RFC1: variants seen among roughly 807,000 people sequenced by gnomAD.
The protein encoded by RFC1 is replication factor C subunit 1.
In RFC1, 37 loss-of-function variants were observed where a neutral mutation model predicts 137.4. That is an observed-to-expected ratio of 0.27 (90% confidence interval 0.21 to 0.35). The LOEUF (loss-of-function observed/expected upper bound fraction) is 0.35. Ranked by LOEUF, RFC1 falls within the 10% of genes least tolerant of loss-of-function variation. The probability of loss-of-function intolerance (pLI) is 1.00; values close to 1 mark genes in which losing one functional copy is unlikely to be tolerated. For synonymous variants in RFC1, 429 were observed against 455.7 expected, an observed-to-expected ratio of 0.94 and a Z score of 0.75; for missense variants, 1,205 against 1,358.5, an observed-to-expected ratio of 0.89 and a Z score of 1.78.
At chr4:39,310,344 C>T (rs1205995021) in intron 12 of RFC1, among the ~76,000 whole-genome samples, 1 of 152,086 alleles carries the variant, frequency 6.6e-6, no homozygotes, top group Non-Finnish European at 1.5e-5. Flanking sequence ...ATGTAAGGTT[C>T]GAAAAATATG....
At chr4:39,335,689 C>A (rs1235342961) in intron 4 of RFC1, among the ~76,000 whole-genome samples, 1 of 152,062 alleles carries the variant, frequency 6.6e-6, no homozygotes, top group East Asian at 1.9e-4. Context: ...AAGCTTCTTA[C>A]AATTCTAAGG....
chr4:39,365,769 C>T (rs1389543101), intron 1 of RFC1, among the ~76,000 whole-genome samples: 1 of 152,202 alleles, frequency 6.6e-6, no homozygotes, highest in Non-Finnish European at 1.5e-5. Context: ...ACGAGCTGAG[C>T]TGTTAATGAT....
chr4:39,317,942 G>A (rs535709872), intron 9 of RFC1: 3 of 152,350 alleles, frequency 2.0e-5, no homozygotes, highest in African/African-American at 7.2e-5. Context: ...GGATCACGAG[G>A]TCAGGAGATC....
intron 4 of RFC1, among the ~76,000 whole-genome samples, chr4:39,330,505 G>C (rs1740042096): frequency 1.3e-5 from 2 of 152,170 alleles, no homozygotes; most frequent in South Asian, 4.2e-4. Context: ...AAAAACCACA[G>C]ATATATCCAT....
In RFC1 at chr4:39,316,852, T is replaced by C. The variant is rs546951183; in HGVS notation, c.1203+63A>G. On this transcript the variant is annotated intron_variant, in intron 10 of 24. Coordinates refer to ENST00000349703, the MANE Select transcript of RFC1 (RefSeq NM_002913.5). ...CCTCTGCTGCTATAATCATCGTGAA[T>C]ACATACATGGACCCATACGGCAGAG... 20 of 930,084 alleles carry C rather than the reference T, an allele frequency of 2.2e-5. No homozygotes were observed. In the Admixed American group the frequency reaches 2.9e-4, roughly 14 times the overall value. The allele number at this position is 930,084 out of a possible 1,614,324, so 57.6% of individuals were successfully genotyped here.
chr4:39,314,412 A>G (rs1739130336), intron 10 of RFC1, among the ~76,000 whole-genome samples: 1 of 152,088 alleles, frequency 6.6e-6, no homozygotes, highest in Admixed American at 6.6e-5. Context: ...CTTTTTACTT[A>G]TCCAATCTTA....
At position 39,295,714 on chromosome 4, in the gene RFC1, T is replaced by C. The variant is rs1469849381; in HGVS notation, c.2854A>G (p.Met952Val). 3 of 1,613,560 alleles carry C rather than the reference T, an allele frequency of 1.9e-6. No individual in the cohort carries two copies. The highest frequency in any genetic ancestry group is 1.3e-5 in the African/African-American group (1 of 74,880). ...CTTGGGAAGGTGGGAAACTGGGTCATGTACCCCCTCATCAACTCTCCAGGA... is the reference window on the plus strand; with the variant it reads ...CTTGGGAAGGTGGGAAACTGGGTCACGTACCCCCTCATCAACTCTCCAGGA... The part of the protein sequence containing the change: ...VLPGELMRGY[M>V]TQFPTFPSWL... The change falls in exon 22 of 25, where the codon ATG becomes GTG. Residue 952 changes from methionine (M) to valine (V), a missense_variant. This residue lies in a region of RFC1 where 237 missense variants were observed against 304.2 expected (regional missense o/e 0.78). Coordinates refer to ENST00000349703, the MANE Select transcript of RFC1 (RefSeq NM_002913.5).
At position 39,345,265 on chromosome 4, in the gene RFC1, T is replaced by C. The variant is rs1740794899; in HGVS notation, c.208+136A>G. The C allele has an allele frequency of 6.4e-6, 4 of 625,498 alleles. No homozygotes were observed. In the South Asian group the frequency reaches 8.6e-5, roughly 13 times the overall value. 38.7% of individuals were successfully genotyped at this position (625,498 alleles called of 1,614,324 possible). ...CCTGACCTCAAGTCATCTGCCTGCC[T>C]TTGCCTCCCAAAGTGCTGCGATTGC... is the stretch of plus-strand genomic sequence containing the variant. On this transcript the variant is annotated intron_variant, in intron 3 of 24. Transcript: ENST00000349703.
chr4:39,303,420 G>A (rs758846345), intron 15 of RFC1, among the ~76,000 whole-genome samples: 4 of 151,382 alleles, frequency 2.6e-5, no homozygotes, highest in Non-Finnish European at 2.9e-5. Context: ...AAGAGATATT[G>A]TACACATATG....
chr4:39,365,623 C>A, intron 1 of RFC1: 1 of 298,392 alleles, frequency 3.4e-6, no homozygotes, highest in Non-Finnish European at 5.0e-6. Flanking sequence ...TGTTTCTATT[C>A]GCTGTACTTC....
At chr4:39,305,718 A>G (rs925039350) in intron 14 of RFC1, among the ~76,000 whole-genome samples, 1 of 152,236 alleles carries the variant, frequency 6.6e-6, no homozygotes, top group African/African-American at 2.4e-5. Context: ...TTCCTCTGAA[A>G]TCAGGAAAAT....
intron 2 of RFC1, among the ~76,000 whole-genome samples, chr4:39,346,476 CAA>C (rs79505335): frequency 1.4e-4 from 12 of 86,568 alleles, no homozygotes; most frequent in Admixed American, 2.5e-4. Context: ...AATTCCGTCT[CAA>C]AAAAAAAAAA....
chr4:39,308,347 C>T (rs1454740161), intron 13 of RFC1, among the ~76,000 whole-genome samples: 1 of 152,194 alleles, frequency 6.6e-6, no homozygotes, highest in Non-Finnish European at 1.5e-5. Context: ...CCTGACCACA[C>T]ATCTTCATCC....
At chr4:39,306,888 C>T (rs952092625) in intron 13 of RFC1, among the ~76,000 whole-genome samples, 187 bp from the exon 14 acceptor site, 2 of 152,160 alleles carry the variant, frequency 1.3e-5, no homozygotes, top group Non-Finnish European at 2.9e-5. Context: ...CTACTTCCTA[C>T]CTCACCCCCA....
At chr4:39,348,785 G>A (rs1741037451) in intron 2 of RFC1, among the ~76,000 whole-genome samples, 1 of 152,164 alleles carries the variant, frequency 6.6e-6, no homozygotes, top group South Asian at 2.1e-4. Flanking sequence ...TGGGCAGGAT[G>A]GCCCAGCAGA....
chr4:39,294,300 G>A (rs1460843894), intron 22 of RFC1, among the ~76,000 whole-genome samples: 1 of 152,190 alleles, frequency 6.6e-6, no homozygotes, highest in Non-Finnish European at 1.5e-5. Flanking sequence ...ACTTAAAAGT[G>A]GAATGGGGGA....
chr4:39,292,596 C>G (rs538596841), intron 22 of RFC1, among the ~76,000 whole-genome samples: 1 of 151,600 alleles, frequency 6.6e-6, no homozygotes, highest in South Asian at 2.1e-4. Flanking sequence ...ATCTTCAAAC[C>G]AGGCATTTAT....
chr4:39,328,073 C>A (rs1266225519), intron 4 of RFC1, among the ~76,000 whole-genome samples: 1 of 152,190 alleles, frequency 6.6e-6, no homozygotes, highest in African/African-American at 2.4e-5. Flanking sequence ...GTTGAGGCTG[C>A]AGTTAGCTGT....
At chr4:39,322,905 A>G (rs1221033010) in intron 7 of RFC1, among the ~76,000 whole-genome samples, 1 of 151,768 alleles carries the variant, frequency 6.6e-6, no homozygotes, top group African/African-American at 2.4e-5. Flanking sequence ...CCAACATAAC[A>G]AAACCCCCTC....
Sources: allele counts gnomAD v4.1 joint callset (sites outside exome capture counted in the v4.1 genomes callset), GRCh38; gene constraint gnomAD v4.1.1; regional missense constraint gnomAD v4.1.1; transcripts MANE v1.5; gene names NCBI Gene and HGNC (gene_info 2026-07-23, HGNC 2026-07-21).